ITPRID1: variants seen among roughly 807,000 people sequenced by gnomAD.
The protein encoded by ITPRID1 is ITPR interacting domain containing 1.
A neutral mutation model predicts 95.4 loss-of-function variants in ITPRID1; 96 were observed. The ratio of observed to expected loss-of-function variants is 1.01; its 90% CI spans 0.85 to 1.19. ITPRID1 has a LOEUF of 1.19. Among genes scored for constraint, ITPRID1 ranks in the 50% most tolerant of loss-of-function variants. The pLI, the probability that ITPRID1 is intolerant of heterozygous loss-of-function variation, is 0.00. For synonymous variants in ITPRID1, 510 were observed against 453.6 expected (o/e 1.12, Z -1.58); for missense variants, 1,339 against 1,252.9 (o/e 1.07, Z -1.04).
intron 5 of ITPRID1, among the ~76,000 whole-genome samples, chr7:31,561,753 G>T (rs932202944): frequency 2.0e-5 from 3 of 152,144 alleles, no homozygotes; most frequent in Non-Finnish European, 4.4e-5. Context: ...AGAGCCTCAT[G>T]GGCATCCTTC....
At chr7:31,570,824 TCAAA>T (rs2128143245) in intron 6 of ITPRID1, among the ~76,000 whole-genome samples, 1 of 152,104 alleles carries the variant, frequency 6.6e-6, no homozygotes, top group South Asian at 2.1e-4. Context: ...GGTGTGGCCC[TCAAA>T]CAAAGAAGGA....
At chr7:31,590,530 T>G (rs1785819719) in intron 10 of ITPRID1, among the ~76,000 whole-genome samples, 1 of 152,218 alleles carries the variant, frequency 6.6e-6, no homozygotes, top group Non-Finnish European at 1.5e-5. Flanking sequence ...AGCATATATA[T>G]GCAGTTTTCT....
At chr7:31,564,783 C>T (rs565027133) in intron 5 of ITPRID1, among the ~76,000 whole-genome samples, 5 of 152,230 alleles carry the variant, frequency 3.3e-5, no homozygotes, top group African/African-American at 4.8e-5. Flanking sequence ...AGTGGGATAG[C>T]GACGGCAGAA....
At chr7:31,588,747 G>A (rs76283175) in intron 10 of ITPRID1, among the ~76,000 whole-genome samples, 12,506 of 151,790 alleles carry the variant, frequency 0.082, 642 homozygotes, top group Middle Eastern at 0.13. Flanking sequence ...AACCAAGGAG[G>A]AAAATCTCCA....
At chr7:31,562,044 TAAAAAAA>T (rs33912394) in intron 5 of ITPRID1, among the ~76,000 whole-genome samples, 4 of 52,508 alleles carry the variant, frequency 7.6e-5, no homozygotes, top group African/African-American at 2.1e-4. Flanking sequence ...GCTATGTATT[TAAAAAAA>T]AAAAAAAAAA....
chr7:31,523,157 ATTCT>A (rs1413291212), intron 1 of ITPRID1, among the ~76,000 whole-genome samples: 1 of 152,228 alleles, frequency 6.6e-6, no homozygotes. Flanking sequence ...ACACAAATTT[ATTCT>A]TTAAGACGAC....
chr7:31,634,561 G>C (rs1789308597), intron 10 of ITPRID1, among the ~76,000 whole-genome samples: 1 of 152,160 alleles, frequency 6.6e-6, no homozygotes, highest in Non-Finnish European at 1.5e-5. Flanking sequence ...CTCCAGTAGA[G>C]CAGGCTTCAA....
chr7:31,594,866 GA>G (rs925851547), intron 10 of ITPRID1, among the ~76,000 whole-genome samples: 6 of 146,526 alleles, frequency 4.1e-5, no homozygotes, highest in East Asian at 2.0e-4. Context: ...CAAAAAAAAA[GA>G]AAAAAAAAGG....
At position 31,574,985 on chromosome 7, in the gene ITPRID1, G is replaced by A. The variant is rs143062150; in HGVS notation, c.598+243G>A. On this transcript the variant is annotated intron_variant, in intron 8 of 14. Coordinates refer to ENST00000615280, the MANE Select transcript of ITPRID1 (RefSeq NM_001257967.3). ...CACTCAGGAACACGGCCTCTAATCT[G>A]GAACCTCACTAGTTGCAATGATAGC... Among the ~76,000 whole-genome samples, 3 of 152,276 alleles carry A rather than the reference G, an allele frequency of 2.0e-5. No individual in the cohort carries two copies. The East Asian group carries it at 5.8e-4, about 29-fold the overall frequency.
Position 31,572,000 on chromosome 7 carries a change from A to C in ITPRID1, c.309-102A>C, listed in dbSNP as rs947969043. On this transcript the variant is annotated intron_variant, in intron 6 of 14. Coordinates refer to ENST00000615280, the MANE Select transcript of ITPRID1 (RefSeq NM_001257967.3). ...CATTATGGGATTATTAGAGACTAAG[A>C]GGAAATGCAAATGTTTGCTCTGGAA... is the stretch of plus-strand genomic sequence containing the variant. 31 of 729,818 alleles carry C rather than the reference A, an allele frequency of 4.2e-5. No homozygotes were observed. The Admixed American group carries it at 7.2e-4, about 17-fold the overall frequency. The allele number at this position is 729,818 out of a possible 1,614,324, so 45.2% of individuals were successfully genotyped here. A position where few individuals can be genotyped will look rare whatever the true frequency, so the allele number is the denominator to read the frequency against.
chr7:31,657,964 T>A (rs1016459228), downstream of ITPRID1, among the ~76,000 whole-genome samples: 3 of 152,228 alleles, frequency 2.0e-5, no homozygotes, highest in Non-Finnish European at 4.4e-5. Flanking sequence ...TCCTACCCTG[T>A]ATTAATTTCA....
At chr7:31,564,909 G>T (rs1440245403) in intron 5 of ITPRID1, among the ~76,000 whole-genome samples, 1 of 152,094 alleles carries the variant, frequency 6.6e-6, no homozygotes. Context: ...GTGAGAACTG[G>T]CACATTGTGA....
At chr7:31,530,444 C>A (rs1217887489) in intron 1 of ITPRID1, among the ~76,000 whole-genome samples, 1 of 152,164 alleles carries the variant, frequency 6.6e-6, no homozygotes, top group Non-Finnish European at 1.5e-5. Context: ...TGCCCAGTGA[C>A]ATTTGAGTTT....
At chr7:31,521,615 TTTCCCTCCTTCCTTCC>T (rs1409009925) in intron 1 of ITPRID1, among the ~76,000 whole-genome samples, 4,049 of 121,894 alleles carry the variant, frequency 0.033, 220 homozygotes, top group African/African-American at 0.073. Context: ...CTTTTTCTCC[TTTCCCTCCTTCCTTCC>T]TTCCTTCCTT....
chr7:31,599,694 T>TCTCTCTCTCTC (rs1562599189), intron 10 of ITPRID1, among the ~76,000 whole-genome samples: 11 of 95,956 alleles, frequency 1.1e-4, no homozygotes, highest in African/African-American at 4.9e-4. Context: ...CTCTCTCTCT[T>TCTCTCTCTCTC]TCTTTCTTTC....
chr7:31,637,259 G>A (rs150127243), intron 10 of ITPRID1, among the ~76,000 whole-genome samples: 6 of 151,180 alleles, frequency 4.0e-5, no homozygotes, highest in African/African-American at 1.5e-4. Flanking sequence ...CCCAGTAATG[G>A]GATGGCTGGG....
At chr7:31,656,964 C>A, downstream of ITPRID1, among the ~76,000 whole-genome samples, 1 of 149,110 alleles carries the variant, frequency 6.7e-6, no homozygotes. Flanking sequence ...AAATACCACC[C>A]CCGATTCTCA....
At chr7:31,623,459 T>G (rs1788120850) in intron 10 of ITPRID1, among the ~76,000 whole-genome samples, 1 of 151,090 alleles carries the variant, frequency 6.6e-6, no homozygotes, top group African/African-American at 2.4e-5. Flanking sequence ...TATACGCAAA[T>G]CAATAAATGT....
chr7:31,532,028 C>T (rs910764079), intron 1 of ITPRID1, among the ~76,000 whole-genome samples: 4 of 152,116 alleles, frequency 2.6e-5, no homozygotes, highest in African/African-American at 9.7e-5. Flanking sequence ...CTATATTAAA[C>T]AAATTTATGA....
Sources: gnomAD v4.1 joint callset for allele counts (sites outside exome capture counted in the v4.1 genomes callset) on GRCh38, gnomAD v4.1.1 for gene constraint, MANE v1.5 for transcripts, NCBI Gene and HGNC (gene_info 2026-07-23, HGNC 2026-07-21) for gene names.